The following NSUN3 variants were observed in gnomAD, a reference collection of about 807,000 sequenced individuals.
NSUN3 encodes the protein NOP2/Sun RNA methyltransferase 3, also known as tRNA (cytosine(34)-C(5))-methyltransferase, mitochondrial.
Under a neutral mutation model 36.8 loss-of-function variants are expected in NSUN3, and 24 were observed. The ratio of observed to expected loss-of-function variants is 0.65; its 90% CI spans 0.47 to 0.92. The LOEUF is 0.92. Among genes scored for constraint, NSUN3 ranks in the 40% least tolerant of loss-of-function variants. NSUN3 has a pLI of 0.00. For synonymous variants in NSUN3, 146 were observed against 145.2 expected (o/e 1.01, Z -0.04); for missense variants, 381 against 392.8 (o/e 0.97, Z 0.25).
chr3:94,094,933 C>T, intron 4 of NSUN3, 100 bp from the exon 5 acceptor site: 3 of 1,191,076 alleles, frequency 2.5e-6, no homozygotes, highest in South Asian at 2.9e-5. Context: ...TTACTTATTT[C>T]CTATTTGTTT....
chr3:94,109,335 G>T (rs1006981407), intron 5 of NSUN3, among the ~76,000 whole-genome samples: 5 of 152,218 alleles, frequency 3.3e-5, no homozygotes, highest in South Asian at 2.1e-4. Flanking sequence ...TTACACAAGA[G>T]TGTCTATCTT....
chr3:94,115,778 A>G (rs78787208), intron 5 of NSUN3, among the ~76,000 whole-genome samples: 2,102 of 152,274 alleles, frequency 0.014, 47 homozygotes, highest in African/African-American at 0.047. Context: ...CAGAATGCCA[A>G]ATTTTCTAAT....
intron 5 of NSUN3, among the ~76,000 whole-genome samples, chr3:94,125,214 ATTGT>A (rs1264332792): frequency 6.6e-6 from 1 of 151,918 alleles, no homozygotes; most frequent in Non-Finnish European, 1.5e-5. Flanking sequence ...CTGTGTCATT[ATTGT>A]TTATTTTGTT....
intron 5 of NSUN3, among the ~76,000 whole-genome samples, chr3:94,103,969 G>T (rs2077376367): frequency 6.6e-6 from 1 of 152,178 alleles, no homozygotes. Flanking sequence ...TAAACATGTA[G>T]ATAATTGGCC....
chr3:94,087,380 T>A (rs2077296237), intron 3 of NSUN3, among the ~76,000 whole-genome samples: 2 of 152,208 alleles, frequency 1.3e-5, no homozygotes, highest in African/African-American at 2.4e-5. Context: ...GGCTCATGGC[T>A]TTGAATGATT....
At chr3:94,097,300 A>T (rs1407465639) in intron 5 of NSUN3, among the ~76,000 whole-genome samples, 1 of 152,128 alleles carries the variant, frequency 6.6e-6, no homozygotes, top group Non-Finnish European at 1.5e-5. Flanking sequence ...TAGTATCTGC[A>T]TGTAGTGAAA....
At chr3:94,063,301 T>C (rs1218009279) in intron 1 of NSUN3, 163 bp downstream of exon 1, 3 of 757,062 alleles carry the variant, frequency 4.0e-6, no homozygotes, top group Non-Finnish European at 4.7e-6. Flanking sequence ...GAAATAATGC[T>C]GAGTGCTGTA....
chr3:94,108,963 C>G (rs1295857712), intron 5 of NSUN3, among the ~76,000 whole-genome samples: 1 of 152,208 alleles, frequency 6.6e-6, no homozygotes, highest in Non-Finnish European at 1.5e-5. Flanking sequence ...CTGCACCCAG[C>G]CCATTCATTT....
intron 5 of NSUN3, among the ~76,000 whole-genome samples, chr3:94,119,690 C>A (rs1469691019): frequency 6.6e-6 from 1 of 152,210 alleles, no homozygotes; most frequent in Non-Finnish European, 1.5e-5. Flanking sequence ...TGAGTTTTTA[C>A]AAATTGCCTG....
At chr3:94,105,937 C>A (rs2077387018) in intron 5 of NSUN3, among the ~76,000 whole-genome samples, 1 of 151,502 alleles carries the variant, frequency 6.6e-6, no homozygotes, top group East Asian at 1.9e-4. Flanking sequence ...GGTCAAAGAC[C>A]CTACCTTGAA....
chr3:94,106,652 A>G (rs1287686952), intron 5 of NSUN3, among the ~76,000 whole-genome samples: 6 of 152,182 alleles, frequency 3.9e-5, no homozygotes, highest in Non-Finnish European at 8.8e-5. Flanking sequence ...GTCGTAGTGT[A>G]TAATAGTGGT....
rs1165181513 is a variant in NSUN3, at chr3:94,129,347, T to G, written c.*2857T>G. Among the ~76,000 whole-genome samples, 1 of 152,216 alleles carries G rather than the reference T, an allele frequency of 6.6e-6. No homozygotes were observed. The highest frequency in any genetic ancestry group is 1.5e-5 in the Non-Finnish European group (1 of 68,032). ...ATAAAAAAGAATGAAATAATGTCTT[T>G]TGCAACAACATGGATGCAGCTGGAT... is the stretch of plus-strand genomic sequence containing the variant. On this transcript the variant is annotated 3_prime_UTR_variant, in exon 6 of 6. Transcript: ENST00000314622.
intron 2 of NSUN3, chr3:94,076,199 C>G: frequency 2.1e-6 from 2 of 930,740 alleles, no homozygotes; most frequent in South Asian, 1.3e-5. Flanking sequence ...AATAGTCTCA[C>G]TGTGAGGTGA....
intron 2 of NSUN3, among the ~76,000 whole-genome samples, chr3:94,069,665 ATACATTATACAGT>A (rs1200191050): frequency 1.3e-5 from 2 of 152,238 alleles, no homozygotes; most frequent in Non-Finnish European, 2.9e-5. Context: ...TATCGAAATG[ATACATTATACAGT>A]TTTGCAAAAT....
intron 2 of NSUN3, chr3:94,077,079 A>G (rs538387751): frequency 1.8e-5 from 14 of 787,912 alleles, no homozygotes; most frequent in Non-Finnish European, 3.0e-5. Context: ...TCACCAAATC[A>G]TAAAGAAAAG....
intron 3 of NSUN3, among the ~76,000 whole-genome samples, chr3:94,088,112 C>G (rs2077299735): frequency 6.6e-6 from 1 of 152,114 alleles, no homozygotes; most frequent in Non-Finnish European, 1.5e-5. Context: ...TTCTCTTCCC[C>G]TGCTCCTTTT....
intron 2 of NSUN3, chr3:94,075,920 T>C (rs1315990731): frequency 1.4e-6 from 2 of 1,435,094 alleles, no homozygotes; most frequent in Non-Finnish European, 2.0e-6. Context: ...AGGACCCTTG[T>C]CCTTCTGGAT....
chr3:94,101,415 T>G (rs76019177), intron 5 of NSUN3, among the ~76,000 whole-genome samples: 2,150 of 152,030 alleles, frequency 0.014, 143 homozygotes, highest in Admixed American at 0.1. Context: ...AGTTTTCTGG[T>G]TTTTTTTAAC....
chr3:94,128,673 T>C lies in NSUN3; in HGVS notation c.*2183T>C, dbSNP rs1270772075. Reference sequence around the variant, plus strand: ...GGACCTAATTAAACTGAAGAGCTTCTGCACAGCAAACTAAACTATCAACAG... The same window carrying C: ...GGACCTAATTAAACTGAAGAGCTTCCGCACAGCAAACTAAACTATCAACAG... On this transcript the variant is annotated 3_prime_UTR_variant, in exon 6 of 6. Coordinates refer to ENST00000314622, the MANE Select transcript of NSUN3 (RefSeq NM_022072.5). 6.6e-6 allele frequency: 1 copy of C among 151,746 alleles called. No individual in the cohort carries two copies. Among genetic ancestry groups the C allele is most frequent in the Admixed American group, 6.6e-5 (1 of 15,210 alleles). The allele number at this position is 151,746 out of a possible 1,614,324, so 9.4% of individuals were successfully genotyped here.
Sources: allele counts gnomAD v4.1 joint callset (sites outside exome capture counted in the v4.1 genomes callset), GRCh38; gene constraint gnomAD v4.1.1; transcripts MANE v1.5; gene names NCBI Gene and HGNC (gene_info 2026-07-23, HGNC 2026-07-21).